The following RPS24 variants were observed in gnomAD, a reference collection of about 807,000 sequenced individuals.
RPS24 encodes ribosomal protein S24, also known as small ribosomal subunit protein eS24.
For missense variants in RPS24, 100 were observed against 162.5 expected, an observed-to-expected ratio of 0.62 and a Z score of 2.09; for synonymous variants, 72 against 55.6, an observed-to-expected ratio of 1.30 and a Z score of -1.31.
intron 1 of RPS24, chr10:78,034,189 C>A: frequency 5.1e-5 from 1 of 19,430 alleles, no homozygotes; most frequent in Admixed American, 7.7e-4. Flanking sequence ...GGGTAGGGGG[C>A]GGGCGGGATA....
exon 5 of RPS24, chr10:78,056,272 A>C (rs756456098): frequency 2.0e-5 from 3 of 152,226 alleles, no homozygotes; most frequent in Non-Finnish European, 4.4e-5. Flanking sequence ...GGGCACTGCC[A>C]GTCGGTTTGG....
chr10:78,044,411 G>A (rs141965911), downstream of RPS24, among the ~76,000 whole-genome samples: 9 of 152,286 alleles, frequency 5.9e-5, no homozygotes, highest in African/African-American at 2.2e-4. Flanking sequence ...CAACAAGATG[G>A]AAGGCCCTAC....
exon 5 of RPS24, chr10:78,056,703 C>T (rs1848152128): frequency 6.6e-6 from 1 of 152,212 alleles, no homozygotes; most frequent in Non-Finnish European, 1.5e-5. Flanking sequence ...CAGGGCAGAG[C>T]TGAGAGAACA....
chr10:78,044,524 G>A (rs943173036), downstream of RPS24, among the ~76,000 whole-genome samples: 3 of 152,106 alleles, frequency 2.0e-5, no homozygotes, highest in African/African-American at 7.2e-5. Flanking sequence ...ACAGAAGTAT[G>A]ACACCTGACT....
At chr10:78,040,772 G>T, downstream of RPS24, 1 of 1,065,902 alleles carries the variant, frequency 9.4e-7, no homozygotes, top group South Asian at 1.3e-5. Flanking sequence ...TTCAGTTGCT[G>T]TCCAAGTTCA....
chr10:78,046,776 TG>T (rs1848048121), intron 4 of RPS24, among the ~76,000 whole-genome samples: 1 of 152,198 alleles, frequency 6.6e-6, no homozygotes, highest in African/African-American at 2.4e-5. Context: ...ATGATAAGCC[TG>T]GGGGCATTTG....
downstream of RPS24, chr10:78,040,850 TA>T: frequency 1.6e-6 from 1 of 628,934 alleles, no homozygotes. Context: ...GCTTGGTTTA[TA>T]GCTTAGGTGG....
chr10:78,055,157 C>T (rs1052652717), exon 5 of RPS24: 1 of 1,292,808 alleles, frequency 7.7e-7, no homozygotes, highest in African/African-American at 1.5e-5. Context: ...CTCCACATCT[C>T]TCTCACCCAA....
chr10:78,034,125 C>T (rs1564627886), intron 1 of RPS24: 1 of 388,994 alleles, frequency 2.6e-6, no homozygotes, highest in Non-Finnish European at 4.9e-6. Context: ...GCTCCAGCGC[C>T]TGGGCAGTGC....
chr10:78,039,901 C>G, intron 4 of RPS24: 2 of 463,848 alleles, frequency 4.3e-6, no homozygotes, highest in South Asian at 4.1e-5. Context: ...ACTTCATTGA[C>G]AAGTGGGCAA....
chr10:78,048,596 A>C (rs768585058), intron 4 of RPS24, among the ~76,000 whole-genome samples: 3 of 152,058 alleles, frequency 2.0e-5, no homozygotes, highest in Non-Finnish European at 4.4e-5. Context: ...AAATTGCCCA[A>C]CCCAGCCGCG....
exon 5 of RPS24, chr10:78,055,152 C>A (rs1219055451): frequency 1.1e-5 from 14 of 1,321,366 alleles, no homozygotes; most frequent in Non-Finnish European, 1.2e-5. Context: ...CAGGGCTCCA[C>A]ATCTCTCTCA....
chr10:78,041,040 G>A (rs1199326018), downstream of RPS24, among the ~76,000 whole-genome samples: 2 of 151,794 alleles, frequency 1.3e-5, no homozygotes, highest in Non-Finnish European at 2.9e-5. Context: ...GTCTAGCTTT[G>A]TTACCTAGGC....
chr10:78,035,221 T>A (rs1847837023), intron 1 of RPS24, 131 bp from the exon 2 acceptor site: 1 of 900,186 alleles, frequency 1.1e-6, no homozygotes. Flanking sequence ...GCCCAGTGGG[T>A]TTTATTTACT....
chr10:78,040,236 AG>A lies in RPS24; in HGVS notation c.*19+12del, dbSNP rs1373612861. On this transcript the variant is annotated intron_variant, in intron 5 of 5. Coordinates refer to ENST00000372360, the MANE Select transcript of RPS24 (RefSeq NM_033022.4). ...GAGATTGGATCACAGGTATAATTCA[AG>A]CTTTTCATGTAGTCATGTAGATCAC... The A allele has an allele frequency of 6.2e-7, 1 of 1,611,994 alleles. No individual in the cohort carries two copies. The highest frequency in any genetic ancestry group is 2.2e-5 in the East Asian group (1 of 44,882).
chr10:78,035,958 G>A (rs993579874), intron 3 of RPS24: 14 of 520,716 alleles, frequency 2.7e-5, no homozygotes, highest in South Asian at 2.2e-4. Flanking sequence ...GATGGGCTAG[G>A]GGTAAGGATT....
chr10:78,034,732 C>T lies in RPS24; in HGVS notation c.4-620C>T, dbSNP rs112812319. Among the ~76,000 whole-genome samples, 6 of 152,356 alleles carry T rather than the reference C, an allele frequency of 3.9e-5. 1 individual carries two copies. The highest frequency in any genetic ancestry group is 1.4e-4 in the African/African-American group (6 of 41,582). On this transcript the variant is annotated intron_variant, in intron 1 of 5. Coordinates refer to ENST00000372360, the MANE Select transcript of RPS24 (RefSeq NM_033022.4). ...CCTTCAGAAGGGAATATCGTTTTCTCTGATCTCTGCTATGGCCATTCTAGA... is the reference window on the plus strand; with the variant it reads ...CCTTCAGAAGGGAATATCGTTTTCTTTGATCTCTGCTATGGCCATTCTAGA...
intron 4 of RPS24, among the ~76,000 whole-genome samples, chr10:78,050,538 C>T (rs1848088848): frequency 6.6e-6 from 1 of 152,224 alleles, no homozygotes; most frequent in African/African-American, 2.4e-5. Flanking sequence ...ACCATATATT[C>T]ACCCTTGTAA....
intron 4 of RPS24, among the ~76,000 whole-genome samples, chr10:78,050,988 C>T (rs931914397): frequency 2.6e-5 from 4 of 151,752 alleles, no homozygotes; most frequent in Non-Finnish European, 4.4e-5. Context: ...GTCAGGCGTT[C>T]GAGACCAGCA....
Sources: allele counts gnomAD v4.1 joint callset (sites outside exome capture counted in the v4.1 genomes callset), GRCh38; gene constraint gnomAD v4.1.1; transcripts MANE v1.5; gene names NCBI Gene and HGNC (gene_info 2026-07-23, HGNC 2026-07-21).